Variants in CCND2 observed in about 807,000 individuals in gnomAD.
The protein encoded by CCND2 is cyclin D2, also known as G1/S-specific cyclin-D2.
In CCND2, 6 loss-of-function variants were observed where a neutral mutation model predicts 30.2. That is an observed-to-expected ratio of 0.20 (90% CI 0.11 to 0.39). The LOEUF (loss-of-function observed/expected upper bound fraction) is 0.39, where lower values mean the gene tolerates loss of function less well. Among genes scored for constraint, CCND2 ranks in the 10% least tolerant of loss-of-function variants. The probability of loss-of-function intolerance (pLI) is 1.00; values close to 1 mark genes in which losing one functional copy is unlikely to be tolerated. For synonymous variants in CCND2, 150 were observed against 153.1 expected (o/e 0.98, Z 0.15); for missense variants, 235 against 373.4 (o/e 0.63, Z 3.06).
chr12:4,273,935 A>G lies in CCND2; in HGVS notation c.-106A>G. On this transcript the variant is annotated 5_prime_UTR_variant, in exon 1 of 5. Transcript: ENST00000261254. The surrounding 1 kb of genome is among the most constrained non-coding windows in gnomAD (Gnocchi z 5.9). ...CGAAAACCCCCTATTTAGCCAAAGG[A>G]AGGAGGTCAGGGGAACGCTCTCCCC... 9.1e-7 allele frequency: 1 copy of G among 1,104,568 alleles called. No homozygotes were observed. The highest frequency in any genetic ancestry group is 1.3e-6 in the Non-Finnish European group (1 of 784,842). 68.4% of individuals were successfully genotyped at this position (1,104,568 alleles called of 1,614,324 possible). A position where few individuals can be genotyped will look rare whatever the true frequency, so the allele number is the denominator to read the frequency against.
rs544379546 is a variant in CCND2, at chr12:4,285,669, C to T, written c.572-3173C>T. ...TGACCATTTCTCCATCCTGTCATAG[C>T]GACAAAGCTGATGGTTTCCAGGAAT... On this transcript the variant is annotated intron_variant, in intron 3 of 4. Transcript: ENST00000261254. This position sits in a 1 kb window ranked among gnomAD's most constrained non-coding sequence, Gnocchi z 4.1. Among the ~76,000 whole-genome samples, 55 of 152,270 alleles carry T rather than the reference C, an allele frequency of 3.6e-4. No homozygotes were observed. In the Middle Eastern group the frequency reaches 0.014, roughly 38 times the overall value.
chr12:4,289,230 T>A, intron 4 of CCND2: 2 of 248,364 alleles, frequency 8.1e-6, no homozygotes, highest in Non-Finnish European at 1.6e-5. Context: ...GTGGGAGGGC[T>A]GTTTACCGAT....
At chr12:4,298,099 G>C (rs1306897981) in intron 4 of CCND2, 1 of 180,348 alleles carries the variant, frequency 5.5e-6, no homozygotes, top group African/African-American at 2.3e-5. Context: ...ACTTAGCACT[G>C]CACATATATC....
chr12:4,284,088 G>A lies in CCND2; in HGVS notation c.572-4754G>A, dbSNP rs566728984. ...CGCCTTTCTCCTCATCCCTCCAGAC[G>A]CTGGAGAGCATCTCCAGTCGGAACT... On this transcript the variant is annotated intron_variant, in intron 3 of 4. Transcript: ENST00000261254. Among the ~76,000 whole-genome samples, 5 of 152,250 alleles carry A rather than the reference G, an allele frequency of 3.3e-5. No individual in the cohort carries two copies. In the South Asian group the frequency reaches 8.3e-4, roughly 25 times the overall value.
chr12:4,275,948 T>A, intron 1 of CCND2, 57 bp from the exon 2 acceptor site: 1 of 1,074,286 alleles, frequency 9.3e-7, no homozygotes, highest in South Asian at 1.7e-5. Context: ...TTTTTCTCTT[T>A]TGCTGATGCT....
At chr12:4,289,376 C>T (rs1373106637) in intron 4 of CCND2, among the ~76,000 whole-genome samples, 2 of 152,012 alleles carry the variant, frequency 1.3e-5, no homozygotes, top group African/African-American at 4.8e-5. Context: ...CTGTAAGGCG[C>T]ACAGAGGAGA....
At chr12:4,281,221 G>A (rs1357290567) in intron 3 of CCND2, among the ~76,000 whole-genome samples, 1 of 152,228 alleles carries the variant, frequency 6.6e-6, no homozygotes, top group African/African-American at 2.4e-5. Context: ...CTGGAAAGGA[G>A]GGGCCTGTAT....
At chr12:4,289,083 T>C (rs1864061400) in intron 4 of CCND2, 93 bp downstream of exon 4, 1 of 1,273,432 alleles carries the variant, frequency 7.9e-7, no homozygotes, top group East Asian at 2.7e-5. Flanking sequence ...GTCAGAGGTA[T>C]TTTTCTGGTT....
rs201241721 is a variant in CCND2, at chr12:4,278,852, C to T, written c.504C>T (p.Pro168=). Residue 168 remains proline, a synonymous_variant, in exon 3 of 5, where the codon CCC becomes CCT. Coordinates refer to ENST00000261254, the MANE Select transcript of CCND2 (RefSeq NM_001759.4). ...TTGAGCACATCTTGCGCAAGCTGCCCCAGCAGCGGGAGAAGCTGTCTCTGA... is the reference window on the plus strand; with the variant it reads ...TTGAGCACATCTTGCGCAAGCTGCCTCAGCAGCGGGAGAAGCTGTCTCTGA... The part of the protein sequence containing the change: ...DFIEHILRKL[P]QQREKLSLIR... The T allele has an allele frequency of 1.5e-5, 24 of 1,614,188 alleles. No individual in the cohort carries two copies. In the East Asian group the frequency reaches 4.9e-4, roughly 33 times the overall value.
intron 3 of CCND2, among the ~76,000 whole-genome samples, chr12:4,283,211 G>A (rs1863974249): frequency 6.6e-6 from 1 of 152,194 alleles, no homozygotes; most frequent in Non-Finnish European, 1.5e-5. Context: ...CCATGCCCAG[G>A]TGAGGGAGCC....
intron 3 of CCND2, among the ~76,000 whole-genome samples, chr12:4,280,668 C>G (rs1863936360): frequency 6.6e-6 from 1 of 151,450 alleles, no homozygotes; most frequent in Admixed American, 6.6e-5. Flanking sequence ...TCTCCTTCCT[C>G]TCTCATCATG....
chr12:4,277,570 G>C (rs1863891682), intron 2 of CCND2, among the ~76,000 whole-genome samples: 1 of 152,242 alleles, frequency 6.6e-6, no homozygotes, highest in South Asian at 2.1e-4. Flanking sequence ...AATCTTTCCA[G>C]GACTAGCCAA....
At chr12:4,292,075 T>C (rs1005924108) in intron 4 of CCND2, among the ~76,000 whole-genome samples, 1 of 152,220 alleles carries the variant, frequency 6.6e-6, no homozygotes, top group African/African-American at 2.4e-5. Context: ...AATGCCACTG[T>C]ACATTTAAAA....
rs975937895 is a variant in CCND2, at chr12:4,287,537, G to C, written c.572-1305G>C. Among the ~76,000 whole-genome samples the C allele has an allele frequency of 3.3e-5, 5 of 152,172 alleles. No individual in the cohort carries two copies. The highest frequency in any genetic ancestry group is 6.5e-5 in the Admixed American group (1 of 15,282). On this transcript the variant is annotated intron_variant, in intron 3 of 4. Transcript: ENST00000261254. This position sits in a 1 kb window ranked among gnomAD's most constrained non-coding sequence, Gnocchi z 4.0. Reference sequence around the variant, plus strand: ...TAGAGCAATGCTAAAACGAGAAAGAGTACGCTTTGGAAGACTTGCTGCACT... The same window carrying C: ...TAGAGCAATGCTAAAACGAGAAAGACTACGCTTTGGAAGACTTGCTGCACT...
intron 3 of CCND2, among the ~76,000 whole-genome samples, chr12:4,283,034 C>T (rs1289025024): frequency 1.3e-5 from 2 of 152,242 alleles, no homozygotes; most frequent in Non-Finnish European, 1.5e-5. Context: ...ATCACCCCTG[C>T]ACCCCAAGAC....
chr12:4,285,423 A>G lies in CCND2; in HGVS notation c.572-3419A>G. The G allele has an allele frequency of 1.0e-6, 1 of 985,412 alleles. No homozygotes were observed. The highest frequency in any genetic ancestry group is 1.2e-6 in the Non-Finnish European group (1 of 829,872). The allele number at this position is 985,412 out of a possible 1,614,324, so 61.0% of individuals were successfully genotyped here. ...GATCAAGAGACTTAACAGACTGCTGAGAAATTTGTACCTGGTTTTTATTTG... is the reference window on the plus strand; with the variant it reads ...GATCAAGAGACTTAACAGACTGCTGGGAAATTTGTACCTGGTTTTTATTTG... On this transcript the variant is annotated intron_variant, in intron 3 of 4. Coordinates refer to ENST00000261254, the MANE Select transcript of CCND2 (RefSeq NM_001759.4). This position sits in a 1 kb window ranked among gnomAD's most constrained non-coding sequence, Gnocchi z 4.1.
rs1290326383 is a variant in CCND2, at chr12:4,282,775, G to A, written c.571+3856G>A. On this transcript the variant is annotated intron_variant, in intron 3 of 4. Coordinates refer to ENST00000261254, the MANE Select transcript of CCND2 (RefSeq NM_001759.4). This position sits in a 1 kb window ranked among gnomAD's most constrained non-coding sequence, Gnocchi z 4.3. ...TCCCAGCAGGCCTTGCAGTTGCATG[G>A]GCATTCCCTTGCCATGGCAGCCCTG... 3.3e-5 allele frequency among the ~76,000 whole-genome samples: 5 copies of A among 152,320 alleles called. No homozygotes were observed. The highest frequency in any genetic ancestry group is 1.2e-4 in the African/African-American group (5 of 41,568).
Position 4,301,668 on chromosome 12 carries a change from T to C in CCND2, c.*1659T>C, listed in dbSNP as rs1864251410. Reference sequence around the variant, plus strand: ...TAAGGGTCTCTCATTTTTTTAATTTTGTTTTGTTCAGTTTGGTTTTTTTTT... The same window carrying C: ...TAAGGGTCTCTCATTTTTTTAATTTCGTTTTGTTCAGTTTGGTTTTTTTTT... On this transcript the variant is annotated 3_prime_UTR_variant, in exon 5 of 5. Coordinates refer to ENST00000261254, the MANE Select transcript of CCND2 (RefSeq NM_001759.4). The C allele has an allele frequency of 4.4e-6, 1 of 229,462 alleles. No individual in the cohort carries two copies. Among genetic ancestry groups the C allele is most frequent in the South Asian group, 1.8e-4 (1 of 5,462 alleles). 14.2% of individuals were successfully genotyped at this position (229,462 alleles called of 1,614,324 possible).
At chr12:4,298,315 G>A (rs1018842372) in intron 4 of CCND2, among the ~76,000 whole-genome samples, 1 of 152,204 alleles carries the variant, frequency 6.6e-6, no homozygotes, top group African/African-American at 2.4e-5. Flanking sequence ...ATTGAAAGCT[G>A]TAGTTTGAAA....
Sources: gnomAD v4.1 joint callset for allele counts (sites outside exome capture counted in the v4.1 genomes callset) on GRCh38, gnomAD v4.1.1 for gene constraint, Gnocchi (gnomAD v3.1) non-coding constraint, MANE v1.5 for transcripts, NCBI Gene and HGNC (gene_info 2026-07-23, HGNC 2026-07-21) for gene names.